The following LOC400499 variants were observed in gnomAD, a reference collection of about 807,000 sequenced individuals.
the LOC400499 span, among the ~76,000 whole-genome samples, chr16:11,459,555 C>G: frequency 6.6e-6 from 1 of 152,108 alleles, no homozygotes; most frequent in Non-Finnish European, 1.5e-5. Flanking sequence ...AGAACCACCA[C>G]CTGTTCAGCT....
the LOC400499 span, among the ~76,000 whole-genome samples, chr16:11,402,460 G>C: frequency 3.3e-5 from 5 of 152,194 alleles, no homozygotes; most frequent in African/African-American, 1.2e-4. Context: ...CTCGTGACGT[G>C]CTAATAAAAT....
the LOC400499 span, chr16:11,457,239 T>C: frequency 3.7e-6 from 2 of 546,490 alleles, no homozygotes; most frequent in Admixed American, 3.6e-5. Context: ...TCTCATACGC[T>C]GATGGTGGGA....
At chr16:11,379,551 T>TAAAG in the LOC400499 span, among the ~76,000 whole-genome samples, 1 of 152,252 alleles carries the variant, frequency 6.6e-6, no homozygotes, top group Non-Finnish European at 1.5e-5. Flanking sequence ...TTTGTATTTT[T>TAAAG]AAAGATTATC....
the LOC400499 span, among the ~76,000 whole-genome samples, chr16:11,522,881 A>G: frequency 6.6e-6 from 1 of 152,110 alleles, no homozygotes. Flanking sequence ...GAGCTGATTT[A>G]GGGAACAGAG....
At chr16:11,500,547 A>C in the LOC400499 span, among the ~76,000 whole-genome samples, 1 of 94,994 alleles carries the variant, frequency 1.1e-5, no homozygotes, top group Non-Finnish European at 2.4e-5. Flanking sequence ...ATCAGAAAAG[A>C]AGCTCAGGAA....
At chr16:11,436,437 G>A in the LOC400499 span, among the ~76,000 whole-genome samples, 1 of 152,112 alleles carries the variant, frequency 6.6e-6, no homozygotes, top group Non-Finnish European at 1.5e-5. Flanking sequence ...TGGAGGGTGG[G>A]AGCAGAGAGG....
At chr16:11,456,960 T>A in the LOC400499 span, 1 of 1,536,206 alleles carries the variant, frequency 6.5e-7, no homozygotes, top group Non-Finnish European at 8.7e-7. Flanking sequence ...ACTGCTGCTC[T>A]CCACATAGGG....
chr16:11,390,379 G>T, the LOC400499 span: 1 of 1,237,780 alleles, frequency 8.1e-7, no homozygotes, highest in African/African-American at 1.5e-5. Context: ...CCGCCGCATG[G>T]CCTCCTCTGC....
the LOC400499 span, among the ~76,000 whole-genome samples, chr16:11,522,923 C>T: frequency 1.3e-5 from 2 of 152,134 alleles, no homozygotes; most frequent in African/African-American, 4.8e-5. Flanking sequence ...AATCTCTAAC[C>T]TTCTATTGAG....
chr16:11,388,941 G>A, the LOC400499 span, among the ~76,000 whole-genome samples: 10 of 152,120 alleles, frequency 6.6e-5, no homozygotes, highest in African/African-American at 9.7e-5. Context: ...ACAAAAATTC[G>A]CTGGGCTTGG....
At chr16:11,518,955 C>T in the LOC400499 span, 1 of 398,896 alleles carries the variant, frequency 2.5e-6, no homozygotes, top group African/African-American at 2.1e-5. Context: ...ATGGATGTCA[C>T]CTGGAAGTCT....
the LOC400499 span, chr16:11,446,653 C>T: frequency 6.5e-7 from 1 of 1,535,650 alleles, no homozygotes; most frequent in Non-Finnish European, 8.7e-7. Flanking sequence ...GGGACAACCA[C>T]ATACATGTAC....
chr16:11,402,662 G>A, the LOC400499 span, among the ~76,000 whole-genome samples: 2 of 152,188 alleles, frequency 1.3e-5, no homozygotes, highest in Non-Finnish European at 2.9e-5. Context: ...GCCAGCCCCT[G>A]AGCAGGCTGG....
chr16:11,485,414 T>G, the LOC400499 span, among the ~76,000 whole-genome samples: 1 of 152,146 alleles, frequency 6.6e-6, no homozygotes, highest in Admixed American at 6.5e-5. Context: ...AATGTGTGTC[T>G]TCCTCGAAAG....
chr16:11,520,413 T>C, the LOC400499 span, among the ~76,000 whole-genome samples: 2 of 152,104 alleles, frequency 1.3e-5, no homozygotes, highest in Non-Finnish European at 1.5e-5. Flanking sequence ...TCCCAGCACT[T>C]TGGGAGGCCG....
chr16:11,498,802 T>C, the LOC400499 span, among the ~76,000 whole-genome samples: 1 of 151,728 alleles, frequency 6.6e-6, no homozygotes, highest in Non-Finnish European at 1.5e-5. Flanking sequence ...CTCAGTGCTG[T>C]GTCCCAGACT....
At chr16:11,376,639 G>A in the LOC400499 span, among the ~76,000 whole-genome samples, 1 of 152,086 alleles carries the variant, frequency 6.6e-6, no homozygotes, top group African/African-American at 2.4e-5. Context: ...GTCCAAATTT[G>A]TTCTTTGTTT....
At chr16:11,489,784 T>C in the LOC400499 span, among the ~76,000 whole-genome samples, 2 of 152,196 alleles carry the variant, frequency 1.3e-5, no homozygotes, top group African/African-American at 2.4e-5. Context: ...TATCTTCCAA[T>C]AGTGCCATCT....
At chr16:11,520,787 T>C in the LOC400499 span, among the ~76,000 whole-genome samples, 1 of 152,142 alleles carries the variant, frequency 6.6e-6, no homozygotes, top group Non-Finnish European at 1.5e-5. Flanking sequence ...CGTAGGTGTT[T>C]GGTTTATGAA....
Sources: gnomAD v4.1 joint callset for allele counts (sites outside exome capture counted in the v4.1 genomes callset) on GRCh38, gnomAD v4.1.1 for gene constraint, MANE v1.5 for transcripts.